The following FRMPD4 variants were observed in gnomAD, a reference collection of about 807,000 sequenced individuals.
FRMPD4 encodes the protein FERM and PDZ domain containing 4.
FRMPD4 carries 22 observed loss-of-function variants against 94.1 expected under a neutral mutation model. The observed-to-expected ratio is 0.23, with a 90% CI of 0.17 to 0.33. The LOEUF (loss-of-function observed/expected upper bound fraction) is 0.33, where lower values mean the gene tolerates loss of function less well. FRMPD4 is among the 10% of genes least tolerant of loss of function. The probability of loss-of-function intolerance (pLI) is 1.00; values close to 1 mark genes in which losing one functional copy is unlikely to be tolerated. For synonymous variants in FRMPD4, 631 were observed against 548.6 expected (o/e 1.15, Z -2.10); for missense variants, 1,111 against 1,339.9 (o/e 0.83, Z 2.67).
intron 1 of FRMPD4, among the ~76,000 whole-genome samples, chrX:12,384,361 T>G (rs973990602): frequency 9.0e-6 from 1 of 110,829 alleles, no homozygotes; most frequent in African/African-American, 3.3e-5. Flanking sequence ...CCAAAAAAAA[T>G]TCAAGAATTA....
At chrX:12,151,149 G>T (rs1278336343) in intron 1 of FRMPD4, among the ~76,000 whole-genome samples, 1 of 111,649 alleles carries the variant, frequency 9.0e-6, no homozygotes, top group African/African-American at 3.2e-5. Flanking sequence ...GCTCTATGGA[G>T]TGATATAGAA....
At chrX:12,377,580 T>C (rs1383723338) in intron 1 of FRMPD4, among the ~76,000 whole-genome samples, 2 of 112,453 alleles carry the variant, frequency 1.8e-5, no homozygotes, top group African/African-American at 3.2e-5. Context: ...GTCTTGAAAG[T>C]TGCTGATTGA....
At chrX:12,031,240 C>T (rs758577112) in intron 3 of FRMPD4, among the ~76,000 whole-genome samples, 31 of 112,219 alleles carry the variant, frequency 2.8e-4, no homozygotes, top group Non-Finnish European at 4.5e-4. Flanking sequence ...GTAGTGAATA[C>T]AAGCATGCAT....
chrX:12,717,050 G>A lies in FRMPD4; in HGVS notation c.2591G>A (p.Gly864Glu), dbSNP rs769362466. 28 of 1,209,060 alleles carry A rather than the reference G, an allele frequency of 2.3e-5. No homozygotes were observed. Among genetic ancestry groups the A allele is most frequent in the Non-Finnish European group, 2.8e-5 (25 of 893,771 alleles). The change falls in exon 15 of 17, where the codon GGA (glycine) becomes GAA (glutamate). Residue 864 changes from glycine to glutamate, a missense_variant. Physicochemically the swap from Gly to Glu is moderately conservative, Grantham distance 98. This residue lies in a region of FRMPD4 where 74 missense variants were observed against 93.9 expected (regional missense o/e 0.79). Transcript: ENST00000675598. ...AGCGCCGAAGGCAAGTGTGAGAAGGGACTGGATAATGCCGTCGTCTCCACG... is the reference window on the plus strand; with the variant it reads ...AGCGCCGAAGGCAAGTGTGAGAAGGAACTGGATAATGCCGTCGTCTCCACG... ...PTSAEGKCEKGLDNAVVSTLG... is the reference protein window; with the variant it reads ...PTSAEGKCEKELDNAVVSTLG...
chrX:12,671,596 G>A (rs1421561013), intron 4 of FRMPD4, among the ~76,000 whole-genome samples: 2 of 110,550 alleles, frequency 1.8e-5, no homozygotes, highest in African/African-American at 3.3e-5. Context: ...GTGGTGGGGG[G>A]CTAGGGGAGG....
chrX:12,676,749 T>C (rs1043616112), intron 5 of FRMPD4, among the ~76,000 whole-genome samples: 5 of 112,358 alleles, frequency 4.5e-5, no homozygotes, highest in South Asian at 3.7e-4. Flanking sequence ...TCATGGCACT[T>C]CCTTTTAACA....
At chrX:11,850,381 A>G (rs1283511941) in intron 1 of FRMPD4, among the ~76,000 whole-genome samples, 3 of 112,693 alleles carry the variant, frequency 2.7e-5, no homozygotes, top group Non-Finnish European at 5.6e-5. Flanking sequence ...ACTATAGGAA[A>G]AGAGTATGAT....
At chrX:12,332,076 T>TA in intron 1 of FRMPD4, among the ~76,000 whole-genome samples, 1 of 58,548 alleles carries the variant, frequency 1.7e-5, no homozygotes, top group African/African-American at 7.4e-5. Context: ...TAATTTATAT[T>TA]ATATATAATT....
In FRMPD4 at chrX:12,215,071, A is replaced by T. The variant is rs762881581; in HGVS notation, c.41+76059A>T. On this transcript the variant is annotated intron_variant, in intron 1 of 16. Coordinates refer to ENST00000675598, the MANE Select transcript of FRMPD4 (RefSeq NM_001368397.1). ...ATACTATAGCACCCCGTTGAGTTGAACAATATAAAATTGTGTTGACATTCA... is the reference window on the plus strand; with the variant it reads ...ATACTATAGCACCCCGTTGAGTTGATCAATATAAAATTGTGTTGACATTCA... Among the ~76,000 whole-genome samples the T allele has an allele frequency of 4.5e-5, 5 of 111,984 alleles. No individual in the cohort carries two copies. In the South Asian group the frequency reaches 1.9e-3, roughly 42 times the overall value.
chrX:12,638,822 G>A (rs762100480), intron 4 of FRMPD4, among the ~76,000 whole-genome samples: 14 of 111,186 alleles, frequency 1.3e-4, no homozygotes, highest in South Asian at 7.7e-4. Flanking sequence ...CAGCCAGTAC[G>A]AGTGCTACCT....
Position 12,193,251 on chromosome X carries a change from T to C in FRMPD4, c.41+54239T>C, listed in dbSNP as rs764250944. Among the ~76,000 whole-genome samples the C allele has an allele frequency of 6.3e-5, 7 of 111,500 alleles. No individual in the cohort carries two copies. The East Asian group carries it at 2.0e-3, about 32-fold the overall frequency. On this transcript the variant is annotated intron_variant, in intron 1 of 16. Transcript: ENST00000675598. Reference sequence around the variant, plus strand: ...ATATACCAGACATGTATGCAACACATCATAAGCCGCTAAAATAAATCTGTT... The same window carrying C: ...ATATACCAGACATGTATGCAACACACCATAAGCCGCTAAAATAAATCTGTT...
chrX:11,822,956 A>G (rs751874458), intron 1 of FRMPD4, among the ~76,000 whole-genome samples: 1 of 111,727 alleles, frequency 9.0e-6, no homozygotes, highest in African/African-American at 3.3e-5. Flanking sequence ...TGTTCTTGGC[A>G]TAGGAAAGTT....
chrX:12,047,060 T>C (rs996978886), intron 3 of FRMPD4, among the ~76,000 whole-genome samples: 4 of 110,178 alleles, frequency 3.6e-5, no homozygotes, highest in Non-Finnish European at 7.6e-5. Context: ...TATATGGTTA[T>C]GTATAAATAT....
chrX:12,533,097 G>A (rs760460206), intron 2 of FRMPD4, among the ~76,000 whole-genome samples: 2 of 111,616 alleles, frequency 1.8e-5, no homozygotes, highest in African/African-American at 6.5e-5. Flanking sequence ...GAATTCCCAT[G>A]TGTTGTAGGA....
intron 1 of FRMPD4, among the ~76,000 whole-genome samples, chrX:12,266,937 C>T (rs1409588767): frequency 8.9e-6 from 1 of 112,019 alleles, no homozygotes; most frequent in African/African-American, 3.2e-5. Flanking sequence ...ATATTTAATA[C>T]ACCTAATTTG....
chrX:11,993,889 G>T (rs1311669102), intron 3 of FRMPD4, among the ~76,000 whole-genome samples: 1 of 111,679 alleles, frequency 9.0e-6, no homozygotes, highest in Non-Finnish European at 1.9e-5. Flanking sequence ...TCTTGACTAG[G>T]GTCCAATTCT....
chrX:11,955,721 G>A (rs1288193580), intron 3 of FRMPD4, among the ~76,000 whole-genome samples: 6 of 100,687 alleles, frequency 6.0e-5, no homozygotes, highest in Non-Finnish European at 8.0e-5. Context: ...TAGCCTGGGC[G>A]ACAGAGCAAG....
rs542768869 is a variant in FRMPD4, at chrX:12,712,071, T to C, written c.1609+1534T>C. 3.0e-4 allele frequency among the ~76,000 whole-genome samples: 33 copies of C among 110,680 alleles called. No homozygotes were observed. The South Asian group carries it at 0.013, about 42-fold the overall frequency. On this transcript the variant is annotated intron_variant, in intron 14 of 16. Coordinates refer to ENST00000675598, the MANE Select transcript of FRMPD4 (RefSeq NM_001368397.1). ...TCTGAGATTTAATCCAGTCCCATCT[T>C]GAGGTATCTGATTTTTTTTAATTTC...
intron 1 of FRMPD4, among the ~76,000 whole-genome samples, chrX:12,291,329 T>G (rs1169828097): frequency 8.9e-6 from 1 of 112,181 alleles, no homozygotes; most frequent in Non-Finnish European, 1.9e-5. Flanking sequence ...TTGACTCTTC[T>G]TATTCTTTGC....
Sources: allele counts gnomAD v4.1 joint callset (sites outside exome capture counted in the v4.1 genomes callset), GRCh38; gene constraint gnomAD v4.1.1; regional missense constraint gnomAD v4.1.1; transcripts MANE v1.5; gene names NCBI Gene and HGNC (gene_info 2026-07-23, HGNC 2026-07-21).